Variants in SH3PXD2B observed in about 807,000 individuals in gnomAD.
SH3PXD2B encodes the protein SH3 and PX domain-containing protein 2B.
A neutral mutation model predicts 73.1 loss-of-function variants in SH3PXD2B; 37 were observed. The ratio of observed to expected loss-of-function variants is 0.51; its 90% CI spans 0.39 to 0.67. The LOEUF (loss-of-function observed/expected upper bound fraction) is 0.67. SH3PXD2B is among the 30% of genes least tolerant of loss of function. The pLI is 0.00. For missense variants in SH3PXD2B, 1,053 were observed against 1,197.8 expected (o/e 0.88, Z 1.78); for synonymous variants, 457 against 480.5 (o/e 0.95, Z 0.64).
In SH3PXD2B at chr5:172,353,360, CG is replaced by C. The variant is rs1757199461; in HGVS notation, c.785+527del. Among the ~76,000 whole-genome samples the C allele has an allele frequency of 6.6e-6, 1 of 152,184 alleles. No homozygotes were observed. The highest frequency in any genetic ancestry group is 1.5e-5 in the Non-Finnish European group (1 of 68,046). On this transcript the variant is annotated intron_variant, in intron 9 of 12. Transcript: ENST00000311601. The surrounding 1 kb of genome is among the most constrained non-coding windows in gnomAD (Gnocchi z 4.3). ...ATTACTAAAACCAGGCAAGGCAGGA[CG>C]AGCTGGCCACCCTGCCTGCCTGGGA...
Position 172,337,231 on chromosome 5 carries a change from G to T in SH3PXD2B, c.*1138C>A. 1 of 985,628 alleles carries T rather than the reference G, an allele frequency of 1.0e-6. No individual in the cohort carries two copies. Among genetic ancestry groups the T allele is most frequent in the Non-Finnish European group, 1.2e-6 (1 of 830,084 alleles). 61.1% of individuals were successfully genotyped at this position (985,628 alleles called of 1,614,324 possible). A position where few individuals can be genotyped will look rare whatever the true frequency, so the allele number is the denominator to read the frequency against. On this transcript the variant is annotated 3_prime_UTR_variant, in exon 13 of 13. Coordinates refer to ENST00000311601, the MANE Select transcript of SH3PXD2B (RefSeq NM_001017995.3). ...GGATGGTGGGTGTGGGAGCAGCCACGAATGCCCCCTCACCCCCCTCACAAT... is the reference window on the plus strand; with the variant it reads ...GGATGGTGGGTGTGGGAGCAGCCACTAATGCCCCCTCACCCCCCTCACAAT...
Position 172,382,060 on chromosome 5 carries a change from G to A in SH3PXD2B, c.377C>T (p.Pro126Leu), listed in dbSNP as rs1159698502. 2 of 1,612,160 alleles carry A rather than the reference G, an allele frequency of 1.2e-6. No homozygotes were observed. Among genetic ancestry groups the A allele is most frequent in the Non-Finnish European group, 1.7e-6 (2 of 1,179,430 alleles). ...CTCTTTGGGGGGATTCAGGTCCTCA[G>A]GTCTTGTCTCAAAGAACTGCAGCAC... ...DEVLQFFETR[P>L]EDLNPPKEEH... The change falls in exon 5 of 13, where the codon CCT becomes CTT. Residue 126 changes from proline to leucine, a missense_variant. This residue lies in a region of SH3PXD2B where 466 missense variants were observed against 607.1 expected (regional missense o/e 0.77). Coordinates refer to ENST00000311601, the MANE Select transcript of SH3PXD2B (RefSeq NM_001017995.3).
At chr5:172,372,674 A>C (rs930215118) in intron 6 of SH3PXD2B, among the ~76,000 whole-genome samples, 6 of 152,198 alleles carry the variant, frequency 3.9e-5, no homozygotes, top group Non-Finnish European at 7.3e-5. Context: ...AAATATGATT[A>C]TAAATCCTAT....
intron 1 of SH3PXD2B, among the ~76,000 whole-genome samples, chr5:172,451,120 T>C (rs1048685364): frequency 6.6e-6 from 1 of 152,214 alleles, no homozygotes; most frequent in African/African-American, 2.4e-5. Flanking sequence ...ATTCTGATCA[T>C]GGAGAAGGCA....
intron 1 of SH3PXD2B, among the ~76,000 whole-genome samples, chr5:172,425,239 T>C (rs1382807328): frequency 6.6e-6 from 1 of 152,098 alleles, no homozygotes; most frequent in East Asian, 1.9e-4. Context: ...TCAACATCTA[T>C]TAAGCACCGA....
At chr5:172,390,860 T>TGTGTGTGTGA (rs949339165) in intron 4 of SH3PXD2B, among the ~76,000 whole-genome samples, 3 of 142,790 alleles carry the variant, frequency 2.1e-5, no homozygotes, top group African/African-American at 7.6e-5. Flanking sequence ...TGTGTGTGTG[T>TGTGTGTGTGA]GACAGAGTTT....
intron 3 of SH3PXD2B, among the ~76,000 whole-genome samples, chr5:172,398,272 T>A (rs1368296401): frequency 6.6e-6 from 1 of 152,272 alleles, no homozygotes; most frequent in Non-Finnish European, 1.5e-5. Flanking sequence ...TCTTAAAGAT[T>A]GTTTTTTTCA....
intron 5 of SH3PXD2B, among the ~76,000 whole-genome samples, chr5:172,377,933 T>A (rs1757852153): frequency 6.6e-6 from 1 of 151,596 alleles, no homozygotes; most frequent in Admixed American, 6.6e-5. Flanking sequence ...CCTATCTGGC[T>A]GATGAATGAA....
chr5:172,344,090 TATCATCATCATC>T (rs56962923), intron 12 of SH3PXD2B, among the ~76,000 whole-genome samples: 6 of 151,632 alleles, frequency 4.0e-5, no homozygotes, highest in South Asian at 2.1e-4. Flanking sequence ...GAGGTGCCTA[TATCATCATCATC>T]ATCATCATCA....
At chr5:172,451,848 C>CA (rs1411468238) in intron 1 of SH3PXD2B, among the ~76,000 whole-genome samples, 2 of 152,222 alleles carry the variant, frequency 1.3e-5, no homozygotes, top group Non-Finnish European at 1.5e-5. Flanking sequence ...GCCCCCCTGC[C>CA]ATCAAGGCAG....
intron 3 of SH3PXD2B, among the ~76,000 whole-genome samples, chr5:172,397,667 C>G (rs932220144): frequency 6.6e-6 from 1 of 152,182 alleles, no homozygotes; most frequent in African/African-American, 2.4e-5. Context: ...TTATTGGGGG[C>G]GGGTTCCCCC....
intron 1 of SH3PXD2B, among the ~76,000 whole-genome samples, chr5:172,429,151 G>A (rs964969383): frequency 6.6e-6 from 1 of 152,230 alleles, no homozygotes; most frequent in African/African-American, 2.4e-5. Context: ...AATAAATGGG[G>A]AAGAAAATGA....
chr5:172,447,868 G>C (rs1224895247), intron 1 of SH3PXD2B, among the ~76,000 whole-genome samples: 1 of 151,832 alleles, frequency 6.6e-6, no homozygotes, highest in African/African-American at 2.4e-5. Flanking sequence ...TGAGGGGCTG[G>C]TGCATTGCAC....
chr5:172,416,218 C>T (rs1581322165), intron 2 of SH3PXD2B, among the ~76,000 whole-genome samples: 1 of 152,100 alleles, frequency 6.6e-6, no homozygotes, highest in African/African-American at 2.4e-5. Flanking sequence ...GTCTCAGCTA[C>T]TCGGGAGGCT....
At chr5:172,432,071 G>A (rs1238734684) in intron 1 of SH3PXD2B, among the ~76,000 whole-genome samples, 2 of 152,176 alleles carry the variant, frequency 1.3e-5, no homozygotes, top group Non-Finnish European at 2.9e-5. Context: ...TACTGGAGAG[G>A]CTGAGGCAGG....
At position 172,353,865 on chromosome 5, in the gene SH3PXD2B, C is replaced by A; in HGVS notation, c.785+23G>T. The stretch of plus-strand genomic sequence containing the variant: ...GCGTGACCCCAAACCCACCCAGCAA[C>A]CGTGGGGGGCAGCGGCTGGTACCTG... On this transcript the variant is annotated intron_variant, in intron 9 of 12. Coordinates refer to ENST00000311601, the MANE Select transcript of SH3PXD2B (RefSeq NM_001017995.3). This position sits in a 1 kb window ranked among gnomAD's most constrained non-coding sequence, Gnocchi z 4.3. 1.2e-6 allele frequency: 2 copies of A among 1,602,662 alleles called. No homozygotes were observed. The highest frequency in any genetic ancestry group is 1.7e-6 in the Non-Finnish European group (2 of 1,170,504).
intron 1 of SH3PXD2B, among the ~76,000 whole-genome samples, chr5:172,439,571 G>A (rs11747030): frequency 0.25 from 38,479 of 151,986 alleles, 5,653 homozygotes; most frequent in East Asian, 0.67. Context: ...GGCCCCAACC[G>A]AGTAGCCATC....
At chr5:172,435,330 A>G (rs1759349277) in intron 1 of SH3PXD2B, among the ~76,000 whole-genome samples, 1 of 152,198 alleles carries the variant, frequency 6.6e-6, no homozygotes, top group African/African-American at 2.4e-5. Flanking sequence ...GAGTTTGTGG[A>G]TATGTCAAAA....
rs947995474 is a variant in SH3PXD2B at position 172,336,045 on chromosome 5, G to C, written c.*2324C>G. 5.1e-5 allele frequency: 51 copies of C among 995,282 alleles called. No homozygotes were observed. The highest frequency in any genetic ancestry group is 1.1e-4 in the East Asian group (1 of 9,420). 61.7% of individuals were successfully genotyped at this position (995,282 alleles called of 1,614,324 possible). ...CCCGGGAGGAAGGAATGAAGCAAGA[G>C]AGAAACTCCTTCAGTGAAGTCAGCA... On this transcript the variant is annotated 3_prime_UTR_variant, in exon 13 of 13. Transcript: ENST00000311601.
Sources: allele counts gnomAD v4.1 joint callset (sites outside exome capture counted in the v4.1 genomes callset), GRCh38; gene constraint gnomAD v4.1.1; regional missense constraint gnomAD v4.1.1; non-coding constraint Gnocchi (gnomAD v3.1); transcripts MANE v1.5; gene names NCBI Gene and HGNC (gene_info 2026-07-23, HGNC 2026-07-21).